Variants in JCAD observed in about 807,000 individuals in gnomAD.
JCAD encodes junctional cadherin 5-associated protein.
JCAD carries 40 observed loss-of-function variants against 98.0 expected under a neutral mutation model. That is an observed-to-expected ratio of 0.41 (90% CI 0.32 to 0.53). The LOEUF (loss-of-function observed/expected upper bound fraction) is 0.53. Ranked by LOEUF, JCAD falls within the 20% of genes least tolerant of loss-of-function variation. JCAD has a pLI of 0.31. For missense variants in JCAD, 1,705 were observed against 1,738.1 expected (o/e 0.98, Z 0.34); for synonymous variants, 691 against 682.3 (o/e 1.01, Z -0.20).
chr10:30,026,256 G>C lies in JCAD; in HGVS notation c.3892C>G (p.Leu1298Val), dbSNP rs779353297. 1.9e-6 allele frequency: 3 copies of C among 1,613,912 alleles called. No individual in the cohort carries two copies. Among genetic ancestry groups the C allele is most frequent in the Non-Finnish European group, 2.5e-6 (3 of 1,180,042 alleles). ...LKATTRGQAG[L>V]PGGLVSPGSG... Reference sequence around the variant, plus strand: ...CCAGGAGACACAAGGCCTCCCGGGAGCCCGGCCTGGCCCCTTGTGGTGGCC... The same window carrying C: ...CCAGGAGACACAAGGCCTCCCGGGACCCCGGCCTGGCCCCTTGTGGTGGCC... Residue 1298 changes from leucine to valine, a missense_variant, in exon 3 of 4, where the codon CTC (leucine) becomes GTC (valine). Leu to Val is a conservative substitution (Grantham distance 32, BLOSUM62 1). Transcript: ENST00000375377.
At chr10:30,070,811 A>C (rs950913966) in intron 1 of JCAD, among the ~76,000 whole-genome samples, 10 of 152,204 alleles carry the variant, frequency 6.6e-5, no homozygotes, top group Admixed American at 2.6e-4. Context: ...TTTATTTTCC[A>C]GGGGCCTGTT....
At chr10:30,099,834 C>T (rs1838439254) in intron 1 of JCAD, among the ~76,000 whole-genome samples, 1 of 152,070 alleles carries the variant, frequency 6.6e-6, no homozygotes, top group Non-Finnish European at 1.5e-5. Context: ...TTACCTCCTC[C>T]ACCCTGACTC....
intron 2 of JCAD, among the ~76,000 whole-genome samples, chr10:30,031,784 T>C (rs1837002884): frequency 9.4e-6 from 1 of 106,304 alleles, no homozygotes; most frequent in Non-Finnish European, 1.9e-5. Flanking sequence ...AGACGGAGTC[T>C]TGCTCTGTCG....
intron 1 of JCAD, among the ~76,000 whole-genome samples, chr10:30,075,173 C>T (rs1317852091): frequency 6.6e-6 from 1 of 152,126 alleles, no homozygotes; most frequent in Admixed American, 6.5e-5. Flanking sequence ...TAGGAAATGT[C>T]TTATTCTTCT....
chr10:30,028,630 C>A lies in JCAD; in HGVS notation c.1518G>T (p.Gly506=). ...SPRWLWGQPP[G]DGENSGLPNQ... is the part of the protein sequence containing the mutation. Reference sequence around the variant, plus strand: ...TGGGGAGGCCACTGTTTTCCCCATCCCCGGGGGGCTGGCCCCACAGCCACC... The same window carrying A: ...TGGGGAGGCCACTGTTTTCCCCATCACCGGGGGGCTGGCCCCACAGCCACC... The change falls in exon 3 of 4, where the codon GGG becomes GGT. Residue 506 remains glycine (G), a synonymous_variant. Transcript: ENST00000375377. 1 of 1,609,970 alleles carries A rather than the reference C, an allele frequency of 6.2e-7. No individual in the cohort carries two copies.
intron 1 of JCAD, among the ~76,000 whole-genome samples, chr10:30,100,622 G>T (rs1426389453): frequency 1.3e-5 from 2 of 152,174 alleles, no homozygotes; most frequent in Non-Finnish European, 2.9e-5. Context: ...AACCTCAGGT[G>T]ATCTGCCCAC....
chr10:30,065,173 C>T (rs1008086211), intron 2 of JCAD, among the ~76,000 whole-genome samples: 1 of 152,036 alleles, frequency 6.6e-6, no homozygotes, highest in Non-Finnish European at 1.5e-5. Flanking sequence ...AAATAAGACC[C>T]GGCATTTGAT....
chr10:30,030,142 C>T (rs1386676363), intron 2 of JCAD, among the ~76,000 whole-genome samples: 2 of 152,170 alleles, frequency 1.3e-5, no homozygotes, highest in Admixed American at 1.3e-4. Context: ...TCCTTATAAA[C>T]ATTAAAATGT....
intron 1 of JCAD, among the ~76,000 whole-genome samples, chr10:30,055,516 C>G (rs937530146): frequency 4.6e-5 from 7 of 152,140 alleles, no homozygotes; most frequent in African/African-American, 1.7e-4. Flanking sequence ...TGCTATTTCC[C>G]TTTCCAGTCT....
At chr10:30,098,056 G>T (rs1158091983) in intron 1 of JCAD, among the ~76,000 whole-genome samples, 1 of 152,132 alleles carries the variant, frequency 6.6e-6, no homozygotes, top group Non-Finnish European at 1.5e-5. Flanking sequence ...GGTGAGTTTT[G>T]GTTATCTGGA....
chr10:30,046,415 G>A (rs922573652), intron 2 of JCAD, among the ~76,000 whole-genome samples: 1 of 152,116 alleles, frequency 6.6e-6, no homozygotes, highest in African/African-American at 2.4e-5. Flanking sequence ...CCCACATTAG[G>A]GCCAGTGTGC....
At chr10:30,030,331 C>T (rs543434814) in intron 2 of JCAD, among the ~76,000 whole-genome samples, 1 of 152,166 alleles carries the variant, frequency 6.6e-6, no homozygotes, top group Non-Finnish European at 1.5e-5. Context: ...GTCTCAGCAA[C>T]TCCAGAGGAT....
chr10:30,110,352 CT>C (rs1564476375), intron 1 of JCAD, among the ~76,000 whole-genome samples: 1 of 151,658 alleles, frequency 6.6e-6, no homozygotes, highest in Non-Finnish European at 1.5e-5. Flanking sequence ...TATGGACTCC[CT>C]GATATATGAG....
At chr10:30,076,685 A>G (rs754473647) in intron 1 of JCAD, among the ~76,000 whole-genome samples, 4 of 152,198 alleles carry the variant, frequency 2.6e-5, no homozygotes, top group Admixed American at 6.5e-5. Context: ...AGAACAATAT[A>G]TAAGGACACA....
rs571434946 is a variant in JCAD at position 30,087,365 on chromosome 10, G to A, written n.129-17544C>T. On this transcript the variant is annotated intron_variant and non_coding_transcript_variant, in intron 1 of 2. Coordinates refer to the JCAD transcript ENST00000465712. The stretch of plus-strand genomic sequence containing the variant: ...GAGAAGGGAAAATCGCTTGAACCTG[G>A]GAGGTGGAGGTTACAGTGAGCCGAG... Among the ~76,000 whole-genome samples the A allele has an allele frequency of 2.6e-5, 4 of 152,262 alleles. No homozygotes were observed. The South Asian group carries it at 6.2e-4, about 24-fold the overall frequency.
chr10:30,100,682 G>A (rs1838457208), intron 1 of JCAD, among the ~76,000 whole-genome samples: 1 of 152,038 alleles, frequency 6.6e-6, no homozygotes, highest in African/African-American at 2.4e-5. Flanking sequence ...CCCGACCCTG[G>A]CCTATTCTAC....
chr10:30,038,733 AAAGAGAG>A (rs904024250), intron 2 of JCAD, among the ~76,000 whole-genome samples: 30 of 151,342 alleles, frequency 2.0e-4, no homozygotes, highest in Middle Eastern at 3.4e-3. Flanking sequence ...AGAGAAAGAG[AAAGAGAG>A]AAGAGAGAAG....
At chr10:30,095,587 A>G (rs900207797) in intron 1 of JCAD, among the ~76,000 whole-genome samples, 1 of 152,174 alleles carries the variant, frequency 6.6e-6, no homozygotes, top group South Asian at 2.1e-4. Flanking sequence ...TCTCATTTGC[A>G]CTTCATGTAT....
intron 1 of JCAD, among the ~76,000 whole-genome samples, chr10:30,109,585 G>T (rs981586594): frequency 3.3e-5 from 5 of 151,952 alleles, no homozygotes; most frequent in African/African-American, 4.8e-5. Flanking sequence ...TCTGAGTTCT[G>T]GTTCTCACTA....
Sources: allele counts gnomAD v4.1 joint callset (sites outside exome capture counted in the v4.1 genomes callset), GRCh38; gene constraint gnomAD v4.1.1; transcripts MANE v1.5; gene names NCBI Gene and HGNC (gene_info 2026-07-23, HGNC 2026-07-21).